The following MGAM variants were observed in gnomAD, a reference collection of about 807,000 sequenced individuals.
The protein encoded by MGAM is maltase-glucoamylase.
A neutral mutation model predicts 358.8 loss-of-function variants in MGAM; 253 were observed. That is an observed-to-expected ratio of 0.71 (90% CI 0.64 to 0.78). The LOEUF is 0.78. MGAM is among the 30% of genes least tolerant of loss of function. The probability of loss-of-function intolerance (pLI) is 0.00; values close to 1 mark genes in which losing one functional copy is unlikely to be tolerated. For synonymous variants in MGAM, 1,105 were observed against 1,227.1 expected, an observed-to-expected ratio of 0.90 and a Z score of 2.08; for missense variants, 3,080 against 3,432.6, an observed-to-expected ratio of 0.90 and a Z score of 2.57.
rs1812852131 is a variant in MGAM, at chr7:142,067,324, T to A, written c.4920-17T>A. On this transcript the variant is annotated splice_polypyrimidine_tract_variant and intron_variant, in intron 41 of 70. Coordinates refer to ENST00000475668, the MANE Select transcript of MGAM (RefSeq NM_001365693.1). ...GCTCTGTTGGGCTCTGTTGGGCACC[T>A]TCATTTCCCTTTCCAGGTTTGTGTC... The A allele has an allele frequency of 1.4e-6, 2 of 1,476,706 alleles. No individual in the cohort carries two copies. Among genetic ancestry groups the A allele is most frequent in the Non-Finnish European group, 1.9e-6 (2 of 1,062,222 alleles). The allele number at this position is 1,476,706 out of a possible 1,614,324, so 91.5% of individuals were successfully genotyped here.
chr7:142,063,702 T>C (rs1454809460), intron 36 of MGAM, 116 bp downstream of exon 36: 2 of 1,209,390 alleles, frequency 1.7e-6, no homozygotes, highest in Admixed American at 4.6e-5. Flanking sequence ...GCTGCTGTGG[T>C]TTACTGGGGA....
In MGAM at chr7:142,000,236, A is replaced by G. The variant is rs974336189; in HGVS notation, c.-3+4306A>G. On this transcript the variant is annotated intron_variant, in intron 1 of 70. Coordinates refer to ENST00000475668, the MANE Select transcript of MGAM (RefSeq NM_001365693.1). ...AGGGTCTCTCATGAATCCAGCCAAT[A>G]TGTCAGCCAGGACTGTAGTCATGTG... 8.1e-4 allele frequency among the ~76,000 whole-genome samples: 123 copies of G among 152,222 alleles called. 1 individual carries two copies. The highest frequency in any genetic ancestry group is 2.5e-3 in the African/African-American group (102 of 41,530).
At chr7:142,018,463 CTT>C (rs1806144342) in intron 3 of MGAM, among the ~76,000 whole-genome samples, 1 of 152,214 alleles carries the variant, frequency 6.6e-6, no homozygotes, top group African/African-American at 2.4e-5. Flanking sequence ...ATTGTTTTCT[CTT>C]GTTTCTATTA....
At chr7:142,038,238 C>A (rs1808168511) in intron 18 of MGAM, among the ~76,000 whole-genome samples, 1 of 152,108 alleles carries the variant, frequency 6.6e-6, no homozygotes, top group African/African-American at 2.4e-5. Context: ...TCTCAACTTA[C>A]TTTTTTTAAA....
intron 4 of MGAM, among the ~76,000 whole-genome samples, chr7:142,019,572 C>T (rs1346628967): frequency 2.0e-5 from 3 of 152,184 alleles, no homozygotes; most frequent in African/African-American, 7.2e-5. Context: ...CTGCAATAAT[C>T]ATTGATCATT....
At chr7:141,990,109 G>T (rs1373880320) in intron 2 of MGAM, among the ~76,000 whole-genome samples, 3 of 152,156 alleles carry the variant, frequency 2.0e-5, no homozygotes, top group Non-Finnish European at 4.4e-5. Flanking sequence ...GGAGTGGCTA[G>T]CACTCCTCTG....
chr7:142,022,182 T>C, intron 6 of MGAM, 86 bp from the exon 7 acceptor site: 1 of 1,270,476 alleles, frequency 7.9e-7, no homozygotes, highest in Non-Finnish European at 1.1e-6. Context: ...ATTGAGTCAC[T>C]GAGATATAAA....
intron 35 of MGAM, 71 bp downstream of exon 35, chr7:142,062,773 T>C (rs567979109): frequency 6.3e-7 from 1 of 1,586,044 alleles, no homozygotes; most frequent in African/African-American, 1.4e-5. Flanking sequence ...TATGTACCAC[T>C]GACCTTCAAT....
intron 44 of MGAM, among the ~76,000 whole-genome samples, chr7:142,072,005 G>A (rs1364231389): frequency 6.9e-6 from 1 of 145,728 alleles, no homozygotes; most frequent in Non-Finnish European, 1.6e-5. Flanking sequence ...TCAAATTCTA[G>A]ACTTTTTTAT....
chr7:141,997,643 C>T (rs530163559), intron 1 of MGAM, among the ~76,000 whole-genome samples: 1 of 152,248 alleles, frequency 6.6e-6, no homozygotes, highest in East Asian at 1.9e-4. Context: ...AGTTAGCTGT[C>T]TCCTAGAGAT....
At chr7:142,096,063 T>C in intron 64 of MGAM, 1 of 597,472 alleles carries the variant, frequency 1.7e-6, no homozygotes, top group Non-Finnish European at 3.0e-6. Context: ...GGGCCATCCT[T>C]GCATTTGAAG....
intron 21 of MGAM, among the ~76,000 whole-genome samples, chr7:142,045,258 A>G (rs1378154154): frequency 9.8e-6 from 1 of 102,062 alleles, no homozygotes; most frequent in Non-Finnish European, 1.8e-5. Flanking sequence ...TATGATATAT[A>G]ATATATATTA....
At chr7:142,002,277 A>C (rs553320894) in intron 1 of MGAM, among the ~76,000 whole-genome samples, 1 of 152,264 alleles carries the variant, frequency 6.6e-6, no homozygotes, top group South Asian at 2.1e-4. Flanking sequence ...AAAAGAATAA[A>C]ACTACAGACC....
intron 60 of MGAM, among the ~76,000 whole-genome samples, 195 bp from the exon 61 acceptor site, chr7:142,094,169 A>C (rs1427956100): frequency 6.8e-6 from 1 of 145,994 alleles, no homozygotes; most frequent in Non-Finnish European, 1.6e-5. Flanking sequence ...GTTCTTTGTA[A>C]AGCACTGTGA....
chr7:141,992,999 C>T (rs1262974343), upstream of MGAM, among the ~76,000 whole-genome samples: 20 of 152,094 alleles, frequency 1.3e-4, no homozygotes, highest in South Asian at 4.1e-4. Flanking sequence ...AGTGTTACCA[C>T]GGTGGTTGTT....
chr7:142,031,723 A>G lies in MGAM; in HGVS notation c.1514A>G (p.Asn505Ser), dbSNP rs552591544. The change falls in exon 13 of 71, where the codon AAC becomes AGC. Residue 505 changes from asparagine to serine, a missense_variant. Asn to Ser is a conservative substitution (Grantham distance 46). Coordinates refer to ENST00000475668, the MANE Select transcript of MGAM (RefSeq NM_001365693.1). Reference protein sequence around the residue: ...QTVFPDYTNPNCAVWWTKEFE... With the variant: ...QTVFPDYTNPSCAVWWTKEFE... ...GTGTTTCCTGATTATACCAATCCCAACTGTGCTGTTTGGTGGACAAAGGAA... is the reference window on the plus strand; with the variant it reads ...GTGTTTCCTGATTATACCAATCCCAGCTGTGCTGTTTGGTGGACAAAGGAA... The G allele has an allele frequency of 6.2e-7, 1 of 1,613,484 alleles. No homozygotes were observed. The highest frequency in any genetic ancestry group is 1.1e-5 in the South Asian group (1 of 91,070).
intron 34 of MGAM, 138 bp from the exon 35 acceptor site, chr7:142,062,430 A>G: frequency 2.6e-6 from 3 of 1,138,844 alleles, no homozygotes; most frequent in Non-Finnish European, 3.7e-6. Flanking sequence ...TAAGAAGTTA[A>G]TAACATTATT....
chr7:142,036,847 G>A lies in MGAM; in HGVS notation c.2101G>A (p.Ala701Thr). 6.2e-7 allele frequency: 1 copy of A among 1,613,586 alleles called. No homozygotes were observed. The highest frequency in any genetic ancestry group is 8.5e-7 in the Non-Finnish European group (1 of 1,179,606). The part of the protein sequence containing the change: ...YKDQDPASFG[A>T]DSLLLNSSRH... ...GGACCAGGATCCTGCCTCCTTTGGA[G>A]CTGACTCCCTGCTGTTGAATTCCTC... The change falls in exon 18 of 71, where the codon GCT becomes ACT. Residue 701 changes from alanine to threonine, a missense_variant. Around this residue, in one of 5 missense-constraint regions of MGAM, gnomAD observed 1,816 missense variants for 1,840.5 expected, o/e 0.99. Coordinates refer to ENST00000475668, the MANE Select transcript of MGAM (RefSeq NM_001365693.1).
chr7:142,050,009 A>G (rs1387225938), intron 22 of MGAM, among the ~76,000 whole-genome samples: 1 of 152,250 alleles, frequency 6.6e-6, no homozygotes, highest in Non-Finnish European at 1.5e-5. Context: ...CGTTCATTAC[A>G]GCATTATGTG....
Sources: gnomAD v4.1 joint callset for allele counts (sites outside exome capture counted in the v4.1 genomes callset) on GRCh38, gnomAD v4.1.1 for gene constraint, gnomAD v4.1.1 regional missense constraint, MANE v1.5 for transcripts, NCBI Gene and HGNC (gene_info 2026-07-23, HGNC 2026-07-21) for gene names.